The following SYNPO2 variants were observed in gnomAD, a reference collection of about 807,000 sequenced individuals.
SYNPO2 encodes synaptopodin-2.
Under a neutral mutation model 85.0 loss-of-function variants are expected in SYNPO2, and 56 were observed. The ratio of observed to expected loss-of-function variants is 0.66; its 90% CI spans 0.53 to 0.82. The LOEUF is 0.82. SYNPO2 is among the 40% of genes least tolerant of loss of function. The pLI, the probability that SYNPO2 is intolerant of heterozygous loss-of-function variation, is 0.00. For synonymous variants in SYNPO2, 602 were observed against 591.1 expected (o/e 1.02, Z -0.27); for missense variants, 1,575 against 1,534.2 (o/e 1.03, Z -0.44).
intron 1 of SYNPO2, among the ~76,000 whole-genome samples, chr4:118,993,677 T>G (rs937145915): frequency 1.3e-5 from 2 of 152,236 alleles, no homozygotes; most frequent in African/African-American, 4.8e-5. Flanking sequence ...TACAGCTTAG[T>G]ATGGTATTTC....
intron 1 of SYNPO2, among the ~76,000 whole-genome samples, chr4:118,857,229 G>A (rs1731521898): frequency 6.6e-6 from 1 of 152,012 alleles, no homozygotes; most frequent in Admixed American, 6.6e-5. Context: ...TGTATTGAAG[G>A]CACGGAATAA....
chr4:118,895,603 T>C (rs1455551410), intron 1 of SYNPO2, among the ~76,000 whole-genome samples: 2 of 152,180 alleles, frequency 1.3e-5, no homozygotes, highest in African/African-American at 4.8e-5. Flanking sequence ...TTCATCAAGA[T>C]ACCAGCTTTC....
intron 1 of SYNPO2, among the ~76,000 whole-genome samples, chr4:118,994,501 A>G (rs1736517687): frequency 6.6e-6 from 1 of 152,246 alleles, no homozygotes; most frequent in South Asian, 2.1e-4. Flanking sequence ...TGGAGTGACA[A>G]TTGGGTTAGA....
intron 1 of SYNPO2, among the ~76,000 whole-genome samples, chr4:118,928,030 G>A (rs941350696): frequency 6.6e-6 from 1 of 152,114 alleles, no homozygotes; most frequent in Non-Finnish European, 1.5e-5. Context: ...GGGTACTCAG[G>A]ATCTGCAGAG....
chr4:118,934,666 A>C (rs957910172), intron 1 of SYNPO2, among the ~76,000 whole-genome samples: 2 of 152,232 alleles, frequency 1.3e-5, no homozygotes, highest in East Asian at 3.8e-4. Context: ...CTGGAGACAT[A>C]ATCAACTCTA....
chr4:119,022,436 A>G (rs1737755963), intron 1 of SYNPO2, among the ~76,000 whole-genome samples: 1 of 149,466 alleles, frequency 6.7e-6, no homozygotes, highest in Non-Finnish European at 1.5e-5. Context: ...GGCTCAAACA[A>G]TCCTCCCACT....
At chr4:119,004,413 T>A (rs1668993806) in intron 1 of SYNPO2, among the ~76,000 whole-genome samples, 1 of 146,488 alleles carries the variant, frequency 6.8e-6, no homozygotes, top group African/African-American at 2.5e-5. Flanking sequence ...TGTGTGATGT[T>A]CCCCTTCCTG....
At chr4:118,925,187 CA>C (rs914998850) in intron 1 of SYNPO2, among the ~76,000 whole-genome samples, 3 of 151,940 alleles carry the variant, frequency 2.0e-5, no homozygotes, top group Non-Finnish European at 2.9e-5. Flanking sequence ...CATGGTTATT[CA>C]AAAAAATGTG....
intron 4 of SYNPO2, among the ~76,000 whole-genome samples, chr4:119,048,741 T>G (rs1738949236): frequency 6.6e-6 from 1 of 152,052 alleles, no homozygotes; most frequent in Non-Finnish European, 1.5e-5. Context: ...GTGTTCAAGG[T>G]TCAAGGCCAG....
In SYNPO2 at chr4:119,042,087, A is replaced by G. The variant is rs1438574087; in HGVS notation, c.3252+10060A>G. ...TCCACAGTCTTAGTGCCCCGTCTAAAAGGAACAGGCAGGCGCTGAAGCACT... is the reference window on the plus strand; with the variant it reads ...TCCACAGTCTTAGTGCCCCGTCTAAGAGGAACAGGCAGGCGCTGAAGCACT... On this transcript the variant is annotated intron_variant, in intron 4 of 4. Coordinates refer to ENST00000307142, the MANE Select transcript of SYNPO2 (RefSeq NM_133477.3). The G allele has an allele frequency of 8.9e-5, 5 of 56,454 alleles. No individual in the cohort carries two copies. The Admixed American group carries it at 1.0e-3, about 12-fold the overall frequency. The allele number at this position is 56,454 out of a possible 1,614,324, so 3.5% of individuals were successfully genotyped here.
Position 119,030,783 on chromosome 4 carries a change from C to G in SYNPO2, c.2008C>G (p.Arg670Gly), listed in dbSNP as rs956365266. The G allele has an allele frequency of 6.2e-7, 1 of 1,613,954 alleles. No homozygotes were observed. The highest frequency in any genetic ancestry group is 1.3e-5 in the African/African-American group (1 of 74,882). Residue 670 changes from arginine (R) to glycine (G), a missense_variant, in exon 4 of 5, where the codon CGA (arginine) becomes GGA (glycine). Coordinates refer to ENST00000307142, the MANE Select transcript of SYNPO2 (RefSeq NM_133477.3). The stretch of plus-strand genomic sequence containing the variant: ...CGATTCGTCTGAGCGAATAGCTTCC[C>G]GAGATGAGAGGATCTCAGTGCCAGC... ...FYDSSERIAS[R>G]DERISVPAKR...
chr4:119,056,380 C>G (rs925719892), intron 4 of SYNPO2, among the ~76,000 whole-genome samples: 1 of 151,684 alleles, frequency 6.6e-6, no homozygotes, highest in African/African-American at 2.4e-5. Flanking sequence ...ACAGGGAGAT[C>G]CTGTCTGTAA....
Position 119,058,034 on chromosome 4 carries a change from T to A in SYNPO2, c.*100T>A. 7.5e-7 allele frequency: 1 copy of A among 1,337,416 alleles called. No individual in the cohort carries two copies. Among genetic ancestry groups the A allele is most frequent in the Non-Finnish European group, 1.0e-6 (1 of 990,142 alleles). The allele number at this position is 1,337,416 out of a possible 1,614,324, so 82.8% of individuals were successfully genotyped here. On this transcript the variant is annotated 3_prime_UTR_variant, in exon 5 of 5. Coordinates refer to ENST00000307142, the MANE Select transcript of SYNPO2 (RefSeq NM_133477.3). ...CTAATAGATTTAGATTCACTTTTGG[T>A]CTTGGCTTGTTCTCATAAGTCATTT...
At chr4:119,024,611 C>T (rs913283697) in intron 2 of SYNPO2, among the ~76,000 whole-genome samples, 3 of 152,072 alleles carry the variant, frequency 2.0e-5, no homozygotes, top group Non-Finnish European at 4.4e-5. Flanking sequence ...GCCTTAGAAT[C>T]CTTCCTTCAT....
At chr4:119,002,239 A>G (rs1355206510) in intron 1 of SYNPO2, among the ~76,000 whole-genome samples, 1 of 152,136 alleles carries the variant, frequency 6.6e-6, no homozygotes, top group Non-Finnish European at 1.5e-5. Flanking sequence ...GGTATTTTAA[A>G]ATATATCAGG....
intron 1 of SYNPO2, among the ~76,000 whole-genome samples, chr4:118,978,491 C>T (rs193281327): frequency 5.9e-5 from 9 of 152,200 alleles, no homozygotes; most frequent in South Asian, 2.1e-4. Flanking sequence ...AGGGAAACTT[C>T]GGCTATACCT....
chr4:118,901,748 G>A (rs1253817622), intron 1 of SYNPO2, among the ~76,000 whole-genome samples: 1 of 152,188 alleles, frequency 6.6e-6, no homozygotes, highest in Non-Finnish European at 1.5e-5. Flanking sequence ...CCTCCACCCT[G>A]CTGGGAGGTG....
At chr4:118,876,627 TTTTCTTTCTTCCTTCC>T (rs1283720267) in intron 1 of SYNPO2, among the ~76,000 whole-genome samples, 4 of 150,746 alleles carry the variant, frequency 2.7e-5, no homozygotes, top group Non-Finnish European at 5.9e-5. Context: ...TTCTTTTCTC[TTTTCTTTCTTCCTTCC>T]TTTCTTCCTT....
intron 1 of SYNPO2, among the ~76,000 whole-genome samples, chr4:118,895,895 G>T (rs144378174): frequency 6.6e-6 from 1 of 151,944 alleles, no homozygotes; most frequent in Non-Finnish European, 1.5e-5. Flanking sequence ...TATATATTTG[G>T]CTAAAAATAC....
Sources: allele counts gnomAD v4.1 joint callset (sites outside exome capture counted in the v4.1 genomes callset), GRCh38; gene constraint gnomAD v4.1.1; transcripts MANE v1.5; gene names NCBI Gene and HGNC (gene_info 2026-07-23, HGNC 2026-07-21).